The following TAF3 variants were observed in gnomAD, a reference collection of about 807,000 sequenced individuals.
TAF3 encodes the protein transcription initiation factor TFIID subunit 3.
TAF3 carries 7 observed loss-of-function variants against 80.6 expected under a neutral mutation model. The ratio of observed to expected loss-of-function variants is 0.09; its 90% confidence interval spans 0.05 to 0.16. The LOEUF is 0.16. TAF3 is among the 10% of genes least tolerant of loss of function. The pLI, the probability that TAF3 is intolerant of heterozygous loss-of-function variation, is 1.00. For missense variants in TAF3, 921 were observed against 1,140.2 expected (o/e 0.81, Z 2.77); for synonymous variants, 444 against 446.1 (o/e 1.00, Z 0.06).
At chr10:7,921,172 G>A (rs1837759069) in intron 2 of TAF3, among the ~76,000 whole-genome samples, 1 of 151,626 alleles carries the variant, frequency 6.6e-6, no homozygotes, top group African/African-American at 2.4e-5. Context: ...TGTTAATAAT[G>A]TCTACTATCT....
At chr10:7,893,016 C>T (rs113380182) in intron 2 of TAF3, among the ~76,000 whole-genome samples, 1,647 of 152,064 alleles carry the variant, frequency 0.011, 19 homozygotes, top group Middle Eastern at 0.031. Context: ...GATGGGGTTT[C>T]TCCATGTTGA....
rs905860747 is a variant in TAF3, at chr10:7,964,748, C to T, written c.1238C>T (p.Ser413Leu). 1.2e-5 allele frequency: 19 copies of T among 1,614,142 alleles called. No homozygotes were observed. The highest frequency in any genetic ancestry group is 1.6e-5 in the Non-Finnish European group (19 of 1,180,036). ...EPDPFEFSSG[S>L]ESEGDIFTSP... Reference sequence around the variant, plus strand: ...GATCCTTTCGAATTTTCTTCTGGATCGGAATCTGAAGGAGACATTTTTACT... The same window carrying T: ...GATCCTTTCGAATTTTCTTCTGGATTGGAATCTGAAGGAGACATTTTTACT... Residue 413 changes from serine (S) to leucine (L), a missense_variant, in exon 3 of 7, where the codon TCG becomes TTG. By Grantham distance (145) the Ser-to-Leu change is moderately radical (BLOSUM62 -2). This residue lies in a region of TAF3 where 743 missense variants were observed against 821.0 expected (regional missense o/e 0.90). Transcript: ENST00000344293. This position sits in a 1 kb window ranked among gnomAD's most constrained non-coding sequence, Gnocchi z 4.1.
intron 2 of TAF3, among the ~76,000 whole-genome samples, chr10:7,847,593 G>A (rs1836984291): frequency 6.6e-6 from 1 of 152,080 alleles, no homozygotes; most frequent in South Asian, 2.1e-4. Flanking sequence ...ACAGGCATGT[G>A]TTACCACATC....
At chr10:7,868,011 A>G (rs1345254080) in intron 2 of TAF3, among the ~76,000 whole-genome samples, 2 of 152,184 alleles carry the variant, frequency 1.3e-5, no homozygotes, top group African/African-American at 4.8e-5. Context: ...CTGGTCATTG[A>G]GTGGAAGTGG....
chr10:8,003,525 T>G (rs1235132150), intron 4 of TAF3, among the ~76,000 whole-genome samples: 1 of 152,222 alleles, frequency 6.6e-6, no homozygotes, highest in Non-Finnish European at 1.5e-5. Flanking sequence ...AAATTTTGTG[T>G]TCATAGTGCT....
At chr10:8,006,542 C>G (rs1260951844) in intron 4 of TAF3, among the ~76,000 whole-genome samples, 1 of 152,230 alleles carries the variant, frequency 6.6e-6, no homozygotes, top group Admixed American at 6.5e-5. Flanking sequence ...GCTGCACCAA[C>G]AAGCCTGTGC....
chr10:7,833,856 T>C, intron 2 of TAF3: 2 of 819,408 alleles, frequency 2.4e-6, no homozygotes, highest in Non-Finnish European at 3.3e-6. Context: ...GACCGAGGGC[T>C]TCCTGGGGAA....
At chr10:7,987,062 C>T (rs1225147476) in intron 4 of TAF3, among the ~76,000 whole-genome samples, 1 of 152,098 alleles carries the variant, frequency 6.6e-6, no homozygotes, top group African/African-American at 2.4e-5. Flanking sequence ...TGACTCACAC[C>T]TATAATCCTA....
chr10:7,961,153 A>G (rs1838186045), intron 2 of TAF3, among the ~76,000 whole-genome samples: 1 of 152,182 alleles, frequency 6.6e-6, no homozygotes, highest in Admixed American at 6.5e-5. Flanking sequence ...TATTAACAAG[A>G]CAGAAGCAGG....
At chr10:7,836,473 C>T (rs1172396473) in intron 2 of TAF3, among the ~76,000 whole-genome samples, 1 of 152,088 alleles carries the variant, frequency 6.6e-6, no homozygotes, top group Non-Finnish European at 1.5e-5. Flanking sequence ...GGGGTTTCTC[C>T]ATGTTGGTCA....
At chr10:7,835,839 A>G (rs1036693125) in intron 2 of TAF3, among the ~76,000 whole-genome samples, 4 of 151,978 alleles carry the variant, frequency 2.6e-5, no homozygotes, top group African/African-American at 9.7e-5. Flanking sequence ...GCATGTTGTC[A>G]CCTGCATGTA....
chr10:7,912,652 T>C (rs2131180597), intron 2 of TAF3, among the ~76,000 whole-genome samples: 1 of 152,340 alleles, frequency 6.6e-6, no homozygotes, highest in South Asian at 2.1e-4. Context: ...TAGAAATCTT[T>C]GGGAATTTGT....
chr10:7,832,003 C>G (rs1836806037), intron 2 of TAF3, among the ~76,000 whole-genome samples: 1 of 152,078 alleles, frequency 6.6e-6, no homozygotes, highest in Non-Finnish European at 1.5e-5. Flanking sequence ...AGCTAGTTAA[C>G]ATACCTGTCA....
chr10:7,935,435 A>T (rs1482442702), intron 2 of TAF3, among the ~76,000 whole-genome samples: 1 of 150,606 alleles, frequency 6.6e-6, no homozygotes, highest in Admixed American at 6.6e-5. Context: ...AATACAAAAA[A>T]TAGCCTGGCG....
chr10:7,977,252 A>G lies in TAF3; in HGVS notation c.2244A>G (p.Glu748=). 6.2e-7 allele frequency: 1 copy of G among 1,614,172 alleles called. No homozygotes were observed. ...EKHKHEKIKV[E]PVALAPSPVI... ...GCTAACTTCCACAGATAAAAGTGGA[A>G]CCAGTCGCTCTGGCCCCGAGTCCAG... is the stretch of plus-strand genomic sequence containing the variant. Residue 748 remains glutamate, a synonymous_variant, in exon 4 of 7, where the codon GAA becomes GAG. Coordinates refer to ENST00000344293, the MANE Select transcript of TAF3 (RefSeq NM_031923.4).
At chr10:7,822,533 A>C (rs2131096675) in intron 1 of TAF3, among the ~76,000 whole-genome samples, 1 of 152,182 alleles carries the variant, frequency 6.6e-6, no homozygotes, top group Non-Finnish European at 1.5e-5. Context: ...GTTAGAAGTC[A>C]GTCTCCTGCT....
At chr10:8,003,390 A>G (rs754911159) in intron 4 of TAF3, among the ~76,000 whole-genome samples, 1 of 152,170 alleles carries the variant, frequency 6.6e-6, no homozygotes, top group East Asian at 1.9e-4. Context: ...CTGTTTACCC[A>G]TTACTGGCTT....
intron 2 of TAF3, among the ~76,000 whole-genome samples, chr10:7,867,112 A>G (rs983754916): frequency 3.3e-5 from 5 of 152,108 alleles, no homozygotes; most frequent in African/African-American, 1.2e-4. Flanking sequence ...TACAAAAATT[A>G]GCCAGGCATG....
In TAF3 at chr10:7,824,307, C is replaced by T; in HGVS notation, c.167-11C>T. Reference sequence around the variant, plus strand: ...TTCAAATAATTTGATTTGCTTTTCACTTTGTTTCAGATGGCCGAACAGACC... The same window carrying T: ...TTCAAATAATTTGATTTGCTTTTCATTTTGTTTCAGATGGCCGAACAGACC... On this transcript the variant is annotated splice_polypyrimidine_tract_variant and intron_variant, in intron 1 of 6. Transcript: ENST00000344293. 1 of 1,531,810 alleles carries T rather than the reference C, an allele frequency of 6.5e-7. No homozygotes were observed. Among genetic ancestry groups the T allele is most frequent in the Non-Finnish European group, 8.9e-7 (1 of 1,128,600 alleles). The allele number at this position is 1,531,810 out of a possible 1,614,324, so 94.9% of individuals were successfully genotyped here.
Sources: gnomAD v4.1 joint callset for allele counts (sites outside exome capture counted in the v4.1 genomes callset) on GRCh38, gnomAD v4.1.1 for gene constraint, gnomAD v4.1.1 regional missense constraint, Gnocchi (gnomAD v3.1) non-coding constraint, MANE v1.5 for transcripts, NCBI Gene and HGNC (gene_info 2026-07-23, HGNC 2026-07-21) for gene names.